GMDS: variants seen among roughly 807,000 people sequenced by gnomAD.
GMDS encodes GDP-mannose 4,6-dehydratase.
In GMDS, 20 loss-of-function variants were observed where a neutral mutation model predicts 49.9. The observed-to-expected ratio is 0.40, with a 90% CI of 0.28 to 0.58. The LOEUF (loss-of-function observed/expected upper bound fraction) is 0.58. Among genes scored for constraint, GMDS ranks in the 20% least tolerant of loss-of-function variants. The pLI is 0.42. For missense variants in GMDS, 362 were observed against 481.4 expected (o/e 0.75, Z 2.32); for synonymous variants, 177 against 178.6 (o/e 0.99, Z 0.07).
chr6:1,675,023 C>T (rs1310200361), intron 9 of GMDS, among the ~76,000 whole-genome samples: 1 of 151,880 alleles, frequency 6.6e-6, no homozygotes, highest in East Asian at 1.9e-4. Context: ...CTGCAACCTC[C>T]ACCTCCCAGG....
chr6:1,762,383 C>T (rs1768194385), intron 7 of GMDS, among the ~76,000 whole-genome samples: 1 of 152,228 alleles, frequency 6.6e-6, no homozygotes, highest in Non-Finnish European at 1.5e-5. Flanking sequence ...GGGCTGTACC[C>T]GGGTTGTGGT....
At chr6:1,838,431 C>CGA (rs1757018607) in intron 7 of GMDS, among the ~76,000 whole-genome samples, 1 of 152,190 alleles carries the variant, frequency 6.6e-6, no homozygotes, top group Admixed American at 6.5e-5. Context: ...AAAGATCATG[C>CGA]AGTAATTAGT....
intron 1 of GMDS, among the ~76,000 whole-genome samples, chr6:2,131,011 G>T (rs1234550218): frequency 6.6e-6 from 1 of 151,864 alleles, no homozygotes; most frequent in Non-Finnish European, 1.5e-5. Context: ...GTTCTTGGAA[G>T]TATCAAGAAC....
intron 4 of GMDS, among the ~76,000 whole-genome samples, chr6:2,031,194 A>C (rs1768940778): frequency 6.6e-6 from 1 of 152,232 alleles, no homozygotes; most frequent in South Asian, 2.1e-4. Flanking sequence ...CAAGCTCCTC[A>C]GAAAAGCAAA....
chr6:1,632,190 A>G (rs1439548757), intron 9 of GMDS, among the ~76,000 whole-genome samples: 1 of 152,214 alleles, frequency 6.6e-6, no homozygotes, highest in Non-Finnish European at 1.5e-5. Context: ...ACAACACTCA[A>G]TAGGACAAAA....
chr6:2,063,740 C>T (rs982056075), intron 4 of GMDS, among the ~76,000 whole-genome samples: 4 of 152,136 alleles, frequency 2.6e-5, no homozygotes, highest in Non-Finnish European at 5.9e-5. Context: ...CCCAAGGTCT[C>T]GGCAGCCCTA....
intron 4 of GMDS, among the ~76,000 whole-genome samples, chr6:1,985,809 G>C (rs141658346): frequency 6.6e-6 from 1 of 151,986 alleles, no homozygotes; most frequent in Non-Finnish European, 1.5e-5. Context: ...ACCACACAAG[G>C]AAGAGGCGGG....
At chr6:1,890,898 A>G (rs986728168) in intron 7 of GMDS, among the ~76,000 whole-genome samples, 10 of 152,230 alleles carry the variant, frequency 6.6e-5, no homozygotes, top group African/African-American at 2.4e-4. Flanking sequence ...TGAACAGTTG[A>G]TGCCTCAATT....
At chr6:2,193,490 T>C (rs926245312) in intron 1 of GMDS, among the ~76,000 whole-genome samples, 1 of 152,238 alleles carries the variant, frequency 6.6e-6, no homozygotes, top group African/African-American at 2.4e-5. Context: ...CTCCACACCC[T>C]AGGCAGCAGG....
chr6:1,624,317 C>T (rs1323601721), intron 10 of GMDS, 86 bp from the exon 11 acceptor site: 1 of 1,323,098 alleles, frequency 7.6e-7, no homozygotes, highest in African/African-American at 1.4e-5. Flanking sequence ...CCCAGAGAGG[C>T]CTCCGCGTCC....
intron 4 of GMDS, among the ~76,000 whole-genome samples, chr6:2,069,303 C>T (rs138250658): frequency 0.027 from 4,101 of 152,200 alleles, 178 homozygotes; most frequent in African/African-American, 0.092. Flanking sequence ...AGATCTAAAA[C>T]GATAAAAACC....
At chr6:2,087,406 T>C (rs1010346313) in intron 4 of GMDS, among the ~76,000 whole-genome samples, 5 of 152,250 alleles carry the variant, frequency 3.3e-5, no homozygotes, top group African/African-American at 9.6e-5. Context: ...TAATTAGTGA[T>C]AATAATCTAT....
rs76779690 is a variant in GMDS at position 2,130,400 on chromosome 6, C to T, written c.103-5669G>A. On this transcript the variant is annotated intron_variant, in intron 1 of 10. Coordinates refer to ENST00000380815, the MANE Select transcript of GMDS (RefSeq NM_001500.4). ...ACAGAGAAGCACTGCAATCCAGCAA[C>T]ATGATCAATAACCTCTGAATAATGA... Among the ~76,000 whole-genome samples the T allele has an allele frequency of 5.7e-3, 870 of 152,338 alleles. 14 individuals carry two copies. Among genetic ancestry groups the T allele is most frequent in the African/African-American group, 0.02 (822 of 41,580 alleles).
At chr6:2,195,163 G>C (rs1779224296) in intron 1 of GMDS, among the ~76,000 whole-genome samples, 1 of 152,070 alleles carries the variant, frequency 6.6e-6, no homozygotes. Flanking sequence ...ACCAGACTTA[G>C]TATAAAGAAA....
intron 1 of GMDS, among the ~76,000 whole-genome samples, chr6:2,184,360 T>A (rs988154146): frequency 6.6e-6 from 1 of 152,218 alleles, no homozygotes; most frequent in Non-Finnish European, 1.5e-5. Flanking sequence ...ACCAAGTCAA[T>A]TAAGCCCCTA....
At chr6:1,827,574 C>T (rs1771184726) in intron 7 of GMDS, among the ~76,000 whole-genome samples, 1 of 152,166 alleles carries the variant, frequency 6.6e-6, no homozygotes, top group Non-Finnish European at 1.5e-5. Context: ...AAAGATAAGG[C>T]TTTGATATCA....
chr6:1,736,996 G>C (rs747284961), intron 8 of GMDS, among the ~76,000 whole-genome samples: 1 of 152,164 alleles, frequency 6.6e-6, no homozygotes, highest in Non-Finnish European at 1.5e-5. Context: ...GCCTCCAGAG[G>C]CTTCATGAAG....
At chr6:1,926,090 C>G (rs977811934) in intron 7 of GMDS, among the ~76,000 whole-genome samples, 4 of 152,168 alleles carry the variant, frequency 2.6e-5, no homozygotes, top group African/African-American at 9.7e-5. Flanking sequence ...CACACCATCT[C>G]TCTTCTGGTT....
At chr6:1,693,274 T>C (rs2113342366) in intron 9 of GMDS, among the ~76,000 whole-genome samples, 1 of 152,360 alleles carries the variant, frequency 6.6e-6, no homozygotes, top group Non-Finnish European at 1.5e-5. Flanking sequence ...TTTCCTCCTG[T>C]GCTGATCAGC....
Sources: allele counts gnomAD v4.1 joint callset (sites outside exome capture counted in the v4.1 genomes callset), GRCh38; gene constraint gnomAD v4.1.1; transcripts MANE v1.5; gene names NCBI Gene and HGNC (gene_info 2026-07-23, HGNC 2026-07-21).